PAK1: variants seen among roughly 807,000 people sequenced by gnomAD.
PAK1 encodes the protein p21 (RAC1) activated kinase 1, also known as serine/threonine-protein kinase PAK 1.
Under a neutral mutation model 67.4 loss-of-function variants are expected in PAK1, and 29 were observed. The ratio of observed to expected loss-of-function variants is 0.43; its 90% confidence interval spans 0.32 to 0.59. The LOEUF is 0.59. Among genes scored for constraint, PAK1 ranks in the 20% least tolerant of loss-of-function variants. PAK1 has a pLI of 0.07. For synonymous variants in PAK1, 223 were observed against 237.4 expected (o/e 0.94, Z 0.56); for missense variants, 337 against 670.7 (o/e 0.50, Z 5.50).
intron 1 of PAK1, among the ~76,000 whole-genome samples, chr11:77,452,508 A>T (rs1956903442): frequency 6.6e-6 from 1 of 152,182 alleles, no homozygotes; most frequent in Admixed American, 6.5e-5. Flanking sequence ...TCATTCATAA[A>T]ATAAGGGTGT....
intron 1 of PAK1, among the ~76,000 whole-genome samples, chr11:77,433,758 G>A (rs533546940): frequency 1.3e-5 from 2 of 152,130 alleles, no homozygotes; most frequent in African/African-American, 2.4e-5. Context: ...CAGCGTGGGC[G>A]ACAGAGCAAG....
chr11:77,424,266 G>A lies in PAK1; in HGVS notation c.-21-31725C>T, dbSNP rs183341360. Among the ~76,000 whole-genome samples, 74 of 152,102 alleles carry A rather than the reference G, an allele frequency of 4.9e-4. 2 individuals carry two copies. In the South Asian group the frequency reaches 0.012, roughly 25 times the overall value. On this transcript the variant is annotated intron_variant, in intron 1 of 14. Coordinates refer to ENST00000356341, the MANE Select transcript of PAK1 (RefSeq NM_002576.5). ...ATCAGAAAAAGAAAGTTAGTTTCCCGTTACCTCCTCTCTCAAGTCTTTAAG... is the reference window on the plus strand; with the variant it reads ...ATCAGAAAAAGAAAGTTAGTTTCCCATTACCTCCTCTCTCAAGTCTTTAAG...
chr11:77,486,810 A>G, the PAK1 span, among the ~76,000 whole-genome samples: 2 of 152,254 alleles, frequency 1.3e-5, no homozygotes, highest in African/African-American at 4.8e-5. Context: ...GAGTTCCAGC[A>G]AGCCTCATCA....
At chr11:77,381,407 T>C in intron 2 of PAK1, among the ~76,000 whole-genome samples, 1 of 152,240 alleles carries the variant, frequency 6.6e-6, no homozygotes, top group East Asian at 1.9e-4. Context: ...ACCACAATCC[T>C]GAGGTAAGTT....
At chr11:77,347,424 T>C (rs868257913) in intron 9 of PAK1, among the ~76,000 whole-genome samples, 3 of 152,208 alleles carry the variant, frequency 2.0e-5, no homozygotes, top group Admixed American at 6.5e-5. Flanking sequence ...AAAAAAAAGT[T>C]ATCTATACAC....
intron 1 of PAK1, among the ~76,000 whole-genome samples, chr11:77,419,431 T>A (rs1255024059): frequency 1.3e-5 from 2 of 152,202 alleles, no homozygotes; most frequent in Admixed American, 6.5e-5. Flanking sequence ...TCTGTAGTCA[T>A]CTTAAGCCTA....
At chr11:77,415,471 T>C (rs542633323) in intron 1 of PAK1, among the ~76,000 whole-genome samples, 1 of 152,310 alleles carries the variant, frequency 6.6e-6, no homozygotes, top group East Asian at 1.9e-4. Context: ...ACCTAGCCTA[T>C]ATGGTATAGC....
intron 12 of PAK1, 84 bp from the exon 13 acceptor site, chr11:77,336,366 G>A (rs1942687995): frequency 1.9e-6 from 2 of 1,035,034 alleles, no homozygotes; most frequent in Admixed American, 2.3e-5. Context: ...CTACACATAG[G>A]TGACAAGATC....
chr11:77,507,658 A>G, the PAK1 span, among the ~76,000 whole-genome samples: 1,001 of 152,170 alleles, frequency 6.6e-3, 18 homozygotes, highest in African/African-American at 0.023. Flanking sequence ...AGTAGCTAGG[A>G]CCACAGGTGC....
chr11:77,369,014 AG>A (rs1948020550), intron 5 of PAK1, among the ~76,000 whole-genome samples: 1 of 152,188 alleles, frequency 6.6e-6, no homozygotes, highest in Non-Finnish European at 1.5e-5. Flanking sequence ...GACACCTTAT[AG>A]TTAAATGTTA....
chr11:77,344,072 A>G (rs1337440742), intron 9 of PAK1, 141 bp from the exon 10 acceptor site: 22 of 616,962 alleles, frequency 3.6e-5, no homozygotes, highest in South Asian at 2.2e-4. Context: ...CAGTTTGTCT[A>G]TGTAGACCAG....
chr11:77,328,102 G>A (rs1940492819), intron 14 of PAK1, among the ~76,000 whole-genome samples: 1 of 152,146 alleles, frequency 6.6e-6, no homozygotes, highest in East Asian at 1.9e-4. Flanking sequence ...AAATATATAT[G>A]CACCCAATAC....
the PAK1 span, among the ~76,000 whole-genome samples, chr11:77,515,846 G>T: frequency 6.6e-6 from 1 of 152,172 alleles, no homozygotes; most frequent in African/African-American, 2.4e-5. Flanking sequence ...CAAGAGCACT[G>T]CTGCAAGCAA....
chr11:77,386,401 A>G (rs1950454109), intron 2 of PAK1, among the ~76,000 whole-genome samples: 1 of 152,198 alleles, frequency 6.6e-6, no homozygotes, highest in African/African-American at 2.4e-5. Flanking sequence ...TGCAGCCAGA[A>G]AAAGATTTCA....
At chr11:77,439,657 C>CTCCT (rs759699992) in intron 1 of PAK1, among the ~76,000 whole-genome samples, 8 of 152,194 alleles carry the variant, frequency 5.3e-5, no homozygotes, top group Non-Finnish European at 8.8e-5. Context: ...TTCTCCTGCC[C>CTCCT]TCCTTCTATG....
chr11:77,323,478 C>T, intron 14 of PAK1, 118 bp from the exon 15 acceptor site: 1 of 725,090 alleles, frequency 1.4e-6, no homozygotes, highest in South Asian at 1.7e-5. Flanking sequence ...AGCTTCTGAT[C>T]ATCCCCAAAT....
chr11:77,374,469 G>T, intron 4 of PAK1, 104 bp from the exon 5 acceptor site: 1 of 740,218 alleles, frequency 1.4e-6, no homozygotes. Flanking sequence ...CAGATTCAGA[G>T]AATAGTAATA....
chr11:77,492,496 C>T, the PAK1 span, among the ~76,000 whole-genome samples: 1 of 150,720 alleles, frequency 6.6e-6, no homozygotes, highest in East Asian at 1.9e-4. Context: ...TGTCTCTGCC[C>T]AGGGTATTAG....
chr11:77,489,377 T>G, the PAK1 span, among the ~76,000 whole-genome samples: 2 of 149,538 alleles, frequency 1.3e-5, no homozygotes, highest in Admixed American at 6.6e-5. Flanking sequence ...CTCTCTCCTA[T>G]CTCCCCTCCC....
Sources: allele counts gnomAD v4.1 joint callset (sites outside exome capture counted in the v4.1 genomes callset), GRCh38; gene constraint gnomAD v4.1.1; transcripts MANE v1.5; gene names NCBI Gene and HGNC (gene_info 2026-07-23, HGNC 2026-07-21).